MUC17: variants seen among roughly 807,000 people sequenced by gnomAD.
MUC17 encodes the protein mucin-17.
Under a neutral mutation model 170.3 loss-of-function variants are expected in MUC17, and 190 were observed. That is an observed-to-expected ratio of 1.12 (90% CI 0.99 to 1.26). The LOEUF is 1.26. MUC17 is among the 50% of genes most tolerant of loss of function. MUC17 has a pLI of 0.00. For missense variants in MUC17, 6,415 were observed against 5,530.0 expected, an observed-to-expected ratio of 1.16 and a Z score of -5.08; for synonymous variants, 2,325 against 2,002.5, an observed-to-expected ratio of 1.16 and a Z score of -4.30.
chr7:101,051,364 CAAAAAAAAAAAA>C (rs398005597), intron 7 of MUC17, among the ~76,000 whole-genome samples: 121 of 52,154 alleles, frequency 2.3e-3, no homozygotes, highest in South Asian at 0.01. Flanking sequence ...TACTCCATCT[CAAAAAAAAAAAA>C]AAAAAAAAAA....
chr7:101,045,585 G>A (rs2116464635), intron 3 of MUC17, among the ~76,000 whole-genome samples: 1 of 152,106 alleles, frequency 6.6e-6, no homozygotes, highest in East Asian at 1.9e-4. Context: ...TAGAGACAGG[G>A]TTTCACCATG....
At chr7:101,045,017 C>G (rs1794811667) in intron 3 of MUC17, among the ~76,000 whole-genome samples, 1 of 152,170 alleles carries the variant, frequency 6.6e-6, no homozygotes, top group Non-Finnish European at 1.5e-5. Flanking sequence ...CAAGAACTTT[C>G]ACTCAGCCTT....
rs758628983 is a variant in MUC17, at chr7:101,035,753, C to G, written c.4337C>G (p.Pro1446Arg). 47 of 1,610,712 alleles carry G rather than the reference C, an allele frequency of 2.9e-5. No individual in the cohort carries two copies. Among genetic ancestry groups the G allele is most frequent in the Non-Finnish European group, 3.7e-5 (44 of 1,178,116 alleles). ...ACAACTGCTGAAGGTATCAGCATAC[C>G]AACCTCAACTCCTAGTGAAGGAAAG... The part of the protein sequence containing the change: ...SPTTAEGISI[P>R]TSTPSEGKTP... Residue 1446 changes from proline to arginine, a missense_variant, in exon 3 of 13, where the codon CCA becomes CGA. Pro to Arg is a moderately radical substitution (Grantham distance 103, BLOSUM62 -2). Transcript: ENST00000306151.
Position 101,035,136 on chromosome 7 carries a change from A to C in MUC17, c.3720A>C (p.Ser1240=), listed in dbSNP as rs138486268. 0.068 allele frequency: 99,466 copies of C among 1,472,664 alleles called. No individual in the cohort carries two copies. Among genetic ancestry groups the C allele is most frequent in the African/African-American group, 0.22 (14,852 of 67,136 alleles). 91.2% of individuals were successfully genotyped at this position (1,472,664 alleles called of 1,614,324 possible). A position where few individuals can be genotyped will look rare whatever the true frequency, so the allele number is the denominator to read the frequency against. Reference sequence around the variant, plus strand: ...CCAGTTCTGAGGCTAGCACCCTTTCAACATCTCCCGTTGACACCAGCACAC... The same window carrying C: ...CCAGTTCTGAGGCTAGCACCCTTTCCACATCTCCCGTTGACACCAGCACAC... ...PVASSEASTL[S]TSPVDTSTPV... Residue 1240 remains serine, a synonymous_variant, in exon 3 of 13, where the codon TCA becomes TCC. Transcript: ENST00000306151.
Position 101,032,341 on chromosome 7 carries a change from T to C in MUC17, c.925T>C (p.Ser309Pro). ...PAATNIPVIT[S>P]TEASSSPTTA... is the part of the protein sequence containing the mutation. Reference sequence around the variant, plus strand: ...TGCCACCAACATTCCTGTGATCACTTCTACTGAAGCCAGTTCATCTCCTAC... The same window carrying C: ...TGCCACCAACATTCCTGTGATCACTCCTACTGAAGCCAGTTCATCTCCTAC... Residue 309 changes from serine (S) to proline (P), a missense_variant, in exon 3 of 13, where the codon TCT becomes CCT. Physicochemically the swap from Ser to Pro is moderately conservative, Grantham distance 74. Coordinates refer to ENST00000306151, the MANE Select transcript of MUC17 (RefSeq NM_001040105.2). 6.2e-7 allele frequency: 1 copy of C among 1,613,104 alleles called. No homozygotes were observed. The highest frequency in any genetic ancestry group is 8.5e-7 in the Non-Finnish European group (1 of 1,179,796).
At position 101,033,975 on chromosome 7, in the gene MUC17, C is replaced by G. The variant is rs769846928; in HGVS notation, c.2559C>G (p.Thr853=). ...VSSSPTPAEG[T]SMPTSTYSEG... is the part of the protein sequence containing the mutation. ...CATCTCCTACACCTGCTGAAGGTAC[C>G]AGCATGCCAACCTCAACTTATAGTG... The change falls in exon 3 of 13, where the codon ACC becomes ACG. Residue 853 remains threonine, a synonymous_variant. Transcript: ENST00000306151. 3 of 1,603,220 alleles carry G rather than the reference C, an allele frequency of 1.9e-6. No individual in the cohort carries two copies. The highest frequency in any genetic ancestry group is 1.7e-5 in the Admixed American group (1 of 59,464).
In MUC17 at chr7:101,043,679, C is replaced by T; in HGVS notation, c.12263C>T (p.Ala4088Val). The T allele has an allele frequency of 1.2e-6, 2 of 1,614,210 alleles. No homozygotes were observed. Among genetic ancestry groups the T allele is most frequent in the Non-Finnish European group, 1.7e-6 (2 of 1,180,050 alleles). ...SASSTTVNPEAVTTMTTRTKP... is the reference protein window; with the variant it reads ...SASSTTVNPEVVTTMTTRTKP... ...TCCTCCACGACTGTGAACCCTGAGG[C>T]TGTCACCACCATGACCACCAGGACA... is the stretch of plus-strand genomic sequence containing the variant. Residue 4088 changes from alanine (A) to valine (V), a missense_variant, in exon 3 of 13, where the codon GCT becomes GTT. Transcript: ENST00000306151.
chr7:101,032,551 G>A lies in MUC17; in HGVS notation c.1135G>A (p.Glu379Lys), dbSNP rs563774308. The part of the protein sequence containing the change: ...TEPSSLPTTA[E>K]ATSMLTSTLS... ...ACCCAGTTCACTTCCTACAACTGCT[G>A]AAGCTACCAGCATGCTAACCTCAAC... The change falls in exon 3 of 13, where the codon GAA becomes AAA. Residue 379 changes from glutamate to lysine, a missense_variant. Coordinates refer to ENST00000306151, the MANE Select transcript of MUC17 (RefSeq NM_001040105.2). The A allele has an allele frequency of 1.2e-6, 2 of 1,614,090 alleles. No individual in the cohort carries two copies. The highest frequency in any genetic ancestry group is 1.7e-6 in the Non-Finnish European group (2 of 1,180,020).
rs375029857 is a variant in MUC17 at position 101,041,793 on chromosome 7, A to G, written c.10377A>G (p.Pro3459=). 3 of 1,613,570 alleles carry G rather than the reference A, an allele frequency of 1.9e-6. No individual in the cohort carries two copies. The highest frequency in any genetic ancestry group is 1.3e-5 in the African/African-American group (1 of 74,784). ...CAACTACTAGTGAAGGAAGCACTCC[A>G]TTATCAATTATGCCTCTCAGTACCA... ...PTSTTSEGST[P]LSIMPLSTTP... The change falls in exon 3 of 13, where the codon CCA becomes CCG. Residue 3459 remains proline (P), a synonymous_variant. Transcript: ENST00000306151.
At chr7:101,048,143 C>G in intron 4 of MUC17, 28 bp downstream of exon 4, 1 of 1,534,442 alleles carries the variant, frequency 6.5e-7, no homozygotes, top group Non-Finnish European at 8.8e-7. Context: ...CCTTCCCCCA[C>G]CCCATGCCCT....
At chr7:101,029,377 G>A (rs1053604280) in intron 1 of MUC17, among the ~76,000 whole-genome samples, 5 of 151,616 alleles carry the variant, frequency 3.3e-5, no homozygotes, top group Non-Finnish European at 7.4e-5. Flanking sequence ...ATACATACAT[G>A]TATACATACA....
chr7:101,053,362 T>G lies in MUC17; in HGVS notation c.13289T>G (p.Leu4430Ter). ...VKRQKYRLSQ[L>*]YKWQEEDSGP... ...AGGCAAAAGTACAGATTGTCTCAGT[T>G]ATACAAGTGGCAAGAAGAGGACAGT... is the stretch of plus-strand genomic sequence containing the variant. The change falls in exon 11 of 13, where the codon TTA (leucine) becomes TGA (stop). Residue 4430 changes from leucine to a stop codon, truncating the protein, a stop_gained. Transcript: ENST00000306151. LOFTEE classifies it high-confidence loss of function. 6.2e-7 allele frequency: 1 copy of G among 1,614,122 alleles called. No homozygotes were observed. Among genetic ancestry groups the G allele is most frequent in the Non-Finnish European group, 8.5e-7 (1 of 1,180,016 alleles).
Position 101,036,793 on chromosome 7 carries a change from G to A in MUC17, c.5377G>A (p.Ala1793Thr). The A allele has an allele frequency of 6.2e-7, 1 of 1,606,094 alleles. No homozygotes were observed. The highest frequency in any genetic ancestry group is 8.5e-7 in the Non-Finnish European group (1 of 1,175,944). Reference protein sequence around the residue: ...STEATSSPTTAEGTSIPTSTL... With the variant: ...STEATSSPTTTEGTSIPTSTL... ...TGAAGCCACTTCGTCTCCTACAACTGCTGAAGGTACCAGCATACCAACCTC... is the reference window on the plus strand; with the variant it reads ...TGAAGCCACTTCGTCTCCTACAACTACTGAAGGTACCAGCATACCAACCTC... The change falls in exon 3 of 13, where the codon GCT becomes ACT. Residue 1793 changes from alanine to threonine, a missense_variant. Transcript: ENST00000306151.
intron 7 of MUC17, among the ~76,000 whole-genome samples, chr7:101,051,170 A>G (rs1485000146): frequency 6.6e-6 from 1 of 151,966 alleles, no homozygotes; most frequent in African/African-American, 2.4e-5. Flanking sequence ...GTTCGAAACC[A>G]GCCTGGTCAA....
chr7:101,022,447 G>A (rs897875745), intron 1 of MUC17, among the ~76,000 whole-genome samples: 1 of 152,190 alleles, frequency 6.6e-6, no homozygotes, highest in Non-Finnish European at 1.5e-5. Context: ...GATTACAGGC[G>A]TGAGCCACTG....
chr7:101,041,416 A>C lies in MUC17; in HGVS notation c.10000A>C (p.Thr3334Pro). The change falls in exon 3 of 13, where the codon ACT becomes CCT. Residue 3334 changes from threonine (T) to proline (P), a missense_variant. Transcript: ENST00000306151. The stretch of plus-strand genomic sequence containing the variant: ...TGACGGTACTAGCATGCCAACCTCA[A>C]CTTATAGTGAAGGAAGCACTCCACT... ...IADGTSMPTSTYSEGSTPLTN... is the reference protein window; with the variant it reads ...IADGTSMPTSPYSEGSTPLTN... 6.2e-7 allele frequency: 1 copy of C among 1,614,150 alleles called. No individual in the cohort carries two copies. Among genetic ancestry groups the C allele is most frequent in the Admixed American group, 1.7e-5 (1 of 60,026 alleles).
At chr7:101,025,306 T>C (rs922885174) in intron 1 of MUC17, among the ~76,000 whole-genome samples, 3 of 149,560 alleles carry the variant, frequency 2.0e-5, no homozygotes, top group Non-Finnish European at 4.4e-5. Flanking sequence ...GAGGCTGCAA[T>C]AAGCCATGTT....
Position 101,037,628 on chromosome 7 carries a change from C to A in MUC17, c.6212C>A (p.Ser2071Tyr), listed in dbSNP as rs922008602. ...GNTLSTTPVD[S>Y]KTQVTNSTEA... ...ACCCTTTCAACAACTCCTGTTGACT[C>A]CAAAACTCAGGTGACCAATTCTACT... The change falls in exon 3 of 13, where the codon TCC (serine) becomes TAC (tyrosine). Residue 2071 changes from serine (S) to tyrosine (Y), a missense_variant. By Grantham distance (144) the Ser-to-Tyr change is moderately radical. Coordinates refer to ENST00000306151, the MANE Select transcript of MUC17 (RefSeq NM_001040105.2). 4 of 1,613,676 alleles carry A rather than the reference C, an allele frequency of 2.5e-6. No individual in the cohort carries two copies. The highest frequency in any genetic ancestry group is 3.4e-6 in the Non-Finnish European group (4 of 1,179,844).
At position 101,049,226 on chromosome 7, in the gene MUC17, G is replaced by C; in HGVS notation, c.12664-98G>C. On this transcript the variant is annotated intron_variant, in intron 5 of 12. Transcript: ENST00000306151. ...CATTTGATGAGTGTGCTATGATGCT[G>C]CGGGACAGGATCATCCCCTGGTCCT... 2.6e-6 allele frequency: 4 copies of C among 1,552,714 alleles called. No individual in the cohort carries two copies. In the South Asian group the frequency reaches 4.5e-5, roughly 17 times the overall value.
Sources: allele counts gnomAD v4.1 joint callset (sites outside exome capture counted in the v4.1 genomes callset), GRCh38; gene constraint gnomAD v4.1.1; transcripts MANE v1.5; gene names NCBI Gene and HGNC (gene_info 2026-07-23, HGNC 2026-07-21).